Variants in GRM7 observed in about 807,000 individuals in gnomAD.
The protein encoded by GRM7 is metabotropic glutamate receptor 7.
Under a neutral mutation model 84.5 loss-of-function variants are expected in GRM7, and 35 were observed. The ratio of observed to expected loss-of-function variants is 0.41; its 90% CI spans 0.32 to 0.55. The LOEUF (loss-of-function observed/expected upper bound fraction) is 0.55, where lower values mean the gene tolerates loss of function less well. Among genes scored for constraint, GRM7 ranks in the 20% least tolerant of loss-of-function variants. The pLI is 0.19. For synonymous variants in GRM7, 487 were observed against 455.1 expected, an observed-to-expected ratio of 1.07 and a Z score of -0.89; for missense variants, 1,003 against 1,194.6, an observed-to-expected ratio of 0.84 and a Z score of 2.36.
chr3:7,231,567 G>A (rs1697197059), intron 2 of GRM7, among the ~76,000 whole-genome samples: 1 of 152,114 alleles, frequency 6.6e-6, no homozygotes, highest in African/African-American at 2.4e-5. Context: ...GCTGTGTGAA[G>A]GAAAACCACT....
intron 4 of GRM7, among the ~76,000 whole-genome samples, chr3:7,329,797 C>T (rs1435698119): frequency 6.6e-6 from 1 of 151,922 alleles, no homozygotes; most frequent in Non-Finnish European, 1.5e-5. Context: ...GGTATATATG[C>T]ATGGATGTAT....
intron 4 of GRM7, among the ~76,000 whole-genome samples, chr3:7,356,988 G>A (rs1693437538): frequency 6.8e-6 from 1 of 147,430 alleles, no homozygotes; most frequent in Non-Finnish European, 1.5e-5. Flanking sequence ...TACTTCAAAT[G>A]TGACATATTT....
At chr3:7,512,193 A>T (rs1168993635) in intron 7 of GRM7, among the ~76,000 whole-genome samples, 2 of 152,184 alleles carry the variant, frequency 1.3e-5, no homozygotes, top group Non-Finnish European at 2.9e-5. Context: ...TTCAGTGACC[A>T]TGAGAAAATC....
intron 9 of GRM7, among the ~76,000 whole-genome samples, chr3:7,713,131 T>G (rs554153556): frequency 0.31 from 41,159 of 133,010 alleles, 6,701 homozygotes; most frequent in East Asian, 0.73. Flanking sequence ...TTTGTTTTTT[T>G]TTTTTTTTTT....
At chr3:7,721,336 G>A (rs141127862) in intron 9 of GRM7, among the ~76,000 whole-genome samples, 3 of 152,268 alleles carry the variant, frequency 2.0e-5, no homozygotes, top group South Asian at 2.1e-4. Context: ...GATACATAAC[G>A]TTTCTGGGGG....
chr3:7,572,906 C>A (rs1173011944), intron 7 of GRM7, among the ~76,000 whole-genome samples: 7 of 121,442 alleles, frequency 5.8e-5, no homozygotes, highest in African/African-American at 1.9e-4. Context: ...TATAATAATT[C>A]TTTCTATGTG....
intron 8 of GRM7, among the ~76,000 whole-genome samples, chr3:7,605,272 T>C (rs1176518837): frequency 6.6e-6 from 1 of 152,192 alleles, no homozygotes; most frequent in African/African-American, 2.4e-5. Flanking sequence ...GCTGTGGTTA[T>C]TTTATTATTG....
At chr3:7,292,895 G>C (rs767264242) in intron 2 of GRM7, among the ~76,000 whole-genome samples, 1 of 151,626 alleles carries the variant, frequency 6.6e-6, no homozygotes, top group Non-Finnish European at 1.5e-5. Flanking sequence ...TTAGCCGGGC[G>C]TGGTGGTGTG....
intron 7 of GRM7, among the ~76,000 whole-genome samples, chr3:7,574,681 T>C (rs1694874064): frequency 6.6e-6 from 1 of 152,194 alleles, no homozygotes; most frequent in Non-Finnish European, 1.5e-5. Flanking sequence ...CAAGAAGAGC[T>C]TCTCACAGGA....
At chr3:7,419,333 G>A (rs1696302046) in intron 5 of GRM7, among the ~76,000 whole-genome samples, 1 of 152,110 alleles carries the variant, frequency 6.6e-6, no homozygotes, top group Non-Finnish European at 1.5e-5. Context: ...TTTGGACACA[G>A]AGTGTGTATC....
intron 9 of GRM7, among the ~76,000 whole-genome samples, chr3:7,699,667 T>G (rs1261400910): frequency 1.3e-5 from 2 of 152,186 alleles, no homozygotes; most frequent in Admixed American, 6.5e-5. Context: ...TTTTTTATCA[T>G]GTCATTGGGA....
At chr3:6,913,793 G>T (rs1368980345) in intron 1 of GRM7, among the ~76,000 whole-genome samples, 4 of 152,152 alleles carry the variant, frequency 2.6e-5, no homozygotes, top group African/African-American at 9.7e-5. Context: ...CTTCTGATCA[G>T]CTTGATGCAA....
At chr3:7,565,605 A>G (rs375839211) in intron 7 of GRM7, among the ~76,000 whole-genome samples, 6 of 152,316 alleles carry the variant, frequency 3.9e-5, no homozygotes, top group African/African-American at 1.2e-4. Context: ...CAGCTGACGG[A>G]TATCTCTGCC....
At chr3:7,518,447 G>A (rs994472) in intron 7 of GRM7, among the ~76,000 whole-genome samples, 94,773 of 152,128 alleles carry the variant, frequency 0.62, 30,543 homozygotes, top group African/African-American at 0.8. Context: ...AAGAGTATAA[G>A]AAGGTTTCAG....
At chr3:7,037,545 T>G (rs527424709) in intron 1 of GRM7, among the ~76,000 whole-genome samples, 5 of 152,162 alleles carry the variant, frequency 3.3e-5, no homozygotes, top group Non-Finnish European at 5.9e-5. Flanking sequence ...TTATTACTTT[T>G]CTCACCTTAA....
chr3:7,677,287 A>AC (rs1700172154), intron 8 of GRM7, among the ~76,000 whole-genome samples: 1 of 145,842 alleles, frequency 6.9e-6, no homozygotes, highest in African/African-American at 2.5e-5. Flanking sequence ...AAAAAAAAAA[A>AC]AAAAAAACTT....
At chr3:7,617,938 C>T (rs1057470805) in intron 8 of GRM7, among the ~76,000 whole-genome samples, 20 of 152,050 alleles carry the variant, frequency 1.3e-4, no homozygotes, top group Admixed American at 7.9e-4. Flanking sequence ...AGTGCCAGTC[C>T]TGGATTCTTG....
At chr3:7,668,105 G>T (rs1699773623) in intron 8 of GRM7, among the ~76,000 whole-genome samples, 1 of 152,200 alleles carries the variant, frequency 6.6e-6, no homozygotes, top group Admixed American at 6.5e-5. Flanking sequence ...TCAAAGATGG[G>T]TTAGAGAAAA....
intron 9 of GRM7, among the ~76,000 whole-genome samples, chr3:7,727,777 T>C (rs192504905): frequency 6.6e-6 from 1 of 152,254 alleles, no homozygotes; most frequent in Admixed American, 6.5e-5. Flanking sequence ...TAGATATTTG[T>C]TTTATATTGG....
Sources: allele counts gnomAD v4.1 joint callset (sites outside exome capture counted in the v4.1 genomes callset), GRCh38; gene constraint gnomAD v4.1.1; transcripts MANE v1.5; gene names NCBI Gene and HGNC (gene_info 2026-07-23, HGNC 2026-07-21).